COLQ: variants seen among roughly 807,000 people sequenced by gnomAD.
COLQ encodes acetylcholinesterase collagenic tail peptide.
COLQ carries 48 observed loss-of-function variants against 69.0 expected under a neutral mutation model. That is an observed-to-expected ratio of 0.70 (90% CI 0.55 to 0.88). The LOEUF is 0.88. Among genes scored for constraint, COLQ ranks in the 40% least tolerant of loss-of-function variants. The pLI, the probability that COLQ is intolerant of heterozygous loss-of-function variation, is 0.00. For synonymous variants in COLQ, 217 were observed against 211.2 expected (o/e 1.03, Z -0.24); for missense variants, 618 against 594.6 (o/e 1.04, Z -0.41).
chr3:15,498,469 CCA>C lies in COLQ; in HGVS notation c.107-8834_107-8833del, dbSNP rs60324043. On this transcript the variant is annotated intron_variant, in intron 1 of 16. Transcript: ENST00000383788. Reference sequence around the variant, plus strand: ...TTTTTCCAAAACAATGCATGTGCATCCACACACACACACACACGTGCACACAC... The same window carrying C: ...TTTTTCCAAAACAATGCATGTGCATCCACACACACACACACGTGCACACAC... 13,106 of 1,334,560 alleles carry C rather than the reference CCA, an allele frequency of 9.8e-3. 13 individuals carry two copies. Among genetic ancestry groups the C allele is most frequent in the Non-Finnish European group, 0.011 (10,970 of 980,698 alleles). 82.7% of individuals were successfully genotyped at this position (1,334,560 alleles called of 1,614,324 possible).
intron 16 of COLQ, among the ~76,000 whole-genome samples, chr3:15,452,988 C>T (rs571421845): frequency 2.0e-5 from 3 of 152,290 alleles, no homozygotes; most frequent in South Asian, 2.1e-4. Flanking sequence ...CAGAAGAGAT[C>T]GGAAGCACCA....
At chr3:15,499,713 C>G (rs1575490724) in intron 1 of COLQ, among the ~76,000 whole-genome samples, 1 of 152,334 alleles carries the variant, frequency 6.6e-6, no homozygotes, top group Non-Finnish European at 1.5e-5. Context: ...GACATAATGA[C>G]TAGACACAGT....
intron 6 of COLQ, 38 bp from the exon 7 acceptor site, chr3:15,475,525 T>C (rs202188226): frequency 6.5e-7 from 1 of 1,540,970 alleles, no homozygotes; most frequent in East Asian, 2.4e-5. Flanking sequence ...CACGGTGATA[T>C]TTTTTAGAGA....
intron 11 of COLQ, among the ~76,000 whole-genome samples, chr3:15,469,584 T>G (rs1273563357): frequency 6.6e-6 from 1 of 152,140 alleles, no homozygotes; most frequent in Non-Finnish European, 1.5e-5. Context: ...CTAAATTGAT[T>G]GGGAAAAGAC....
chr3:15,456,690 G>A, intron 13 of COLQ, 111 bp from the exon 14 acceptor site: 1 of 1,443,430 alleles, frequency 6.9e-7, no homozygotes, highest in Non-Finnish European at 9.5e-7. Flanking sequence ...ACAGTGGGAA[G>A]AGGGGTTTGC....
At chr3:15,521,458 T>C (rs2063136353) in intron 1 of COLQ, 62 bp downstream of exon 1, 1 of 1,605,850 alleles carries the variant, frequency 6.2e-7, no homozygotes. Flanking sequence ...TGCAAAACAA[T>C]CTTCCTTCCT....
At chr3:15,458,575 A>C (rs1320497152) in intron 12 of COLQ, among the ~76,000 whole-genome samples, 1 of 152,180 alleles carries the variant, frequency 6.6e-6, no homozygotes, top group African/African-American at 2.4e-5. Flanking sequence ...CTGGTGTTGC[A>C]GCAGCCGTGT....
Position 15,502,845 on chromosome 3 carries a change from G to T in COLQ, c.107-13208C>A, listed in dbSNP as rs373632276. Among the ~76,000 whole-genome samples the T allele has an allele frequency of 2.0e-5, 3 of 152,302 alleles. No homozygotes were observed. The East Asian group carries it at 5.8e-4, about 29-fold the overall frequency. Reference sequence around the variant, plus strand: ...GGAGCATTGCCTGCGCTGCATACTTGCAGACTCGTTTGGCAAAACCCACAT... The same window carrying T: ...GGAGCATTGCCTGCGCTGCATACTTTCAGACTCGTTTGGCAAAACCCACAT... On this transcript the variant is annotated intron_variant, in intron 1 of 16. Transcript: ENST00000383788.
Position 15,458,278 on chromosome 3 carries a change from G to A in COLQ, c.862C>T (p.Pro288Ser). ...GTGGGTCCACAAAGACATCTTCCTG[G>A]AGGCCCGGGAAATCCTCTTTCCCCT... ...PKGERGFPGP[P>S]GRCLCGPTMN... Residue 288 changes from proline to serine, a missense_variant, in exon 13 of 17, where the codon CCA becomes TCA. Transcript: ENST00000383788. 3 of 1,614,126 alleles carry A rather than the reference G, an allele frequency of 1.9e-6. No homozygotes were observed. Among genetic ancestry groups the A allele is most frequent in the Non-Finnish European group, 2.5e-6 (3 of 1,180,006 alleles).
rs73818504 is a variant in COLQ at position 15,451,674 on chromosome 3, G to T, written c.1338C>A (p.Ile446=). ...TGAAGTAGCGGCAGGGCGTGGAGTC[G>T]ATGTAGCAGTACTGGGTGCATTGCA... ...GDLQCTQYCY[I]DSTPCRYFT is the part of the protein sequence containing the mutation. Residue 446 remains isoleucine (I), a synonymous_variant, in exon 17 of 17, where the codon ATC becomes ATA. Transcript: ENST00000383788. The T allele has an allele frequency of 4.2e-3, 6,706 of 1,614,142 alleles. 198 individuals are homozygous for T. The African/African-American group carries it at 0.072, about 17-fold the overall frequency.
At chr3:15,477,970 T>C (rs1298093374) in intron 5 of COLQ, among the ~76,000 whole-genome samples, 2 of 152,194 alleles carry the variant, frequency 1.3e-5, no homozygotes, top group Non-Finnish European at 2.9e-5. Context: ...TGGGTGCAGG[T>C]GCTAAGGGCC....
chr3:15,508,845 T>C (rs1378713828), intron 1 of COLQ, among the ~76,000 whole-genome samples: 3 of 151,668 alleles, frequency 2.0e-5, no homozygotes, highest in Admixed American at 2.0e-4. Flanking sequence ...ATTTTAATTA[T>C]ATGAAAATTA....
In COLQ at chr3:15,474,965, G is replaced by A. The variant is rs1378930763; in HGVS notation, c.529-14C>T. On this transcript the variant is annotated splice_polypyrimidine_tract_variant and intron_variant, in intron 7 of 16. Coordinates refer to ENST00000383788, the MANE Select transcript of COLQ (RefSeq NM_005677.4). The stretch of plus-strand genomic sequence containing the variant: ...TCCAGGGTAGCCCTAAAAGAAAGCA[G>A]AAGGTACATTTACAATCAGCCCTGT... 1 of 1,614,074 alleles carries A rather than the reference G, an allele frequency of 6.2e-7. No individual in the cohort carries two copies. Among genetic ancestry groups the A allele is most frequent in the Admixed American group, 1.7e-5 (1 of 60,024 alleles).
At position 15,453,825 on chromosome 3, in the gene COLQ, C is replaced by T; in HGVS notation, c.1298+4G>A. The T allele has an allele frequency of 6.3e-7, 1 of 1,599,532 alleles. No individual in the cohort carries two copies. Among genetic ancestry groups the T allele is most frequent in the South Asian group, 1.1e-5 (1 of 89,514 alleles). ...GGAGAGGGAGGGAGGGGAGTCATCC[C>T]TACCCAGGGAGATAGGTCTCGCATG... On this transcript the variant is annotated splice_donor_region_variant and intron_variant, in intron 16 of 16. Transcript: ENST00000383788.
chr3:15,472,190 T>C (rs2062300021), intron 10 of COLQ, among the ~76,000 whole-genome samples: 1 of 152,216 alleles, frequency 6.6e-6, no homozygotes, highest in Non-Finnish European at 1.5e-5. Flanking sequence ...CCATACTTAA[T>C]TTTACAGTAA....
intron 1 of COLQ, among the ~76,000 whole-genome samples, chr3:15,502,364 G>A (rs1174347323): frequency 6.6e-6 from 1 of 151,874 alleles, no homozygotes; most frequent in African/African-American, 2.4e-5. Context: ...TGATCCACCC[G>A]CCTCAGCCTC....
At position 15,451,649 on chromosome 3, in the gene COLQ, T is replaced by C; in HGVS notation, c.1363A>G (p.Thr455Ala). 2.5e-6 allele frequency: 4 copies of C among 1,614,162 alleles called. No individual in the cohort carries two copies. The highest frequency in any genetic ancestry group is 3.3e-5 in the Admixed American group (2 of 60,020). Reference sequence around the variant, plus strand: ...CCACCTTCTCCTCACGGCCCTCAGGTGAAGTAGCGGCAGGGCGTGGAGTCG... The same window carrying C: ...CCACCTTCTCCTCACGGCCCTCAGGCGAAGTAGCGGCAGGGCGTGGAGTCG... The part of the protein sequence containing the change: ...YIDSTPCRYF[T>A] The change falls in exon 17 of 17, where the codon ACC becomes GCC. Residue 455 changes from threonine to alanine, a missense_variant. Coordinates refer to ENST00000383788, the MANE Select transcript of COLQ (RefSeq NM_005677.4).
chr3:15,479,083 A>T, intron 4 of COLQ, 80 bp from the exon 5 acceptor site: 3 of 1,562,732 alleles, frequency 1.9e-6, no homozygotes, highest in Non-Finnish European at 2.6e-6. Context: ...AGAGCTGATG[A>T]CTGGGCATGG....
chr3:15,480,182 T>A (rs1396171216), intron 3 of COLQ, among the ~76,000 whole-genome samples: 1 of 152,174 alleles, frequency 6.6e-6, no homozygotes, highest in Admixed American at 6.5e-5. Context: ...TGAAATATGA[T>A]TTCTTTTTTT....
Sources: gnomAD v4.1 joint callset for allele counts (sites outside exome capture counted in the v4.1 genomes callset) on GRCh38, gnomAD v4.1.1 for gene constraint, MANE v1.5 for transcripts, NCBI Gene and HGNC (gene_info 2026-07-23, HGNC 2026-07-21) for gene names.